The following ADNP2 variants were observed in gnomAD, a reference collection of about 807,000 sequenced individuals.
ADNP2 encodes the protein activity-dependent neuroprotector homeobox protein 2.
A neutral mutation model predicts 16.4 loss-of-function variants in ADNP2; 8 were observed. The ratio of observed to expected loss-of-function variants is 0.49; its 90% CI spans 0.29 to 0.88. ADNP2 has a LOEUF of 0.88. Among genes scored for constraint, ADNP2 ranks in the 40% least tolerant of loss-of-function variants. ADNP2 has a pLI of 0.09. For synonymous variants in ADNP2, 637 were observed against 545.8 expected (o/e 1.17, Z -2.33); for missense variants, 1,397 against 1,395.1 (o/e 1.00, Z -0.02).
chr18:80,135,402 C>T lies in ADNP2; in HGVS notation c.199-210C>T, dbSNP rs542597628. ...CAATGGCAGTGCTGAGTAGTTGCCACAGAGACTGTACTGTATGGCCCACAG... is the reference window on the plus strand; with the variant it reads ...CAATGGCAGTGCTGAGTAGTTGCCATAGAGACTGTACTGTATGGCCCACAG... On this transcript the variant is annotated intron_variant, in intron 3 of 3. Transcript: ENST00000262198. Among the ~76,000 whole-genome samples the T allele has an allele frequency of 6.6e-5, 10 of 152,324 alleles. No individual in the cohort carries two copies. In the South Asian group the frequency reaches 2.1e-3, roughly 32 times the overall value.
Position 80,129,088 on chromosome 18 carries a change from C to T in ADNP2, c.109-4015C>T, listed in dbSNP as rs915157014. The stretch of plus-strand genomic sequence containing the variant: ...CCATACTCAGATTTCTTCAGTTTTA[C>T]CCAGAACTTTTTTTTTGTTTTTTTT... On this transcript the variant is annotated intron_variant, in intron 2 of 3. Coordinates refer to ENST00000262198, the MANE Select transcript of ADNP2 (RefSeq NM_014913.4). Among the ~76,000 whole-genome samples, 3 of 149,372 alleles carry T rather than the reference C, an allele frequency of 2.0e-5. No individual in the cohort carries two copies. In the East Asian group the frequency reaches 5.9e-4, roughly 29 times the overall value.
intron 2 of ADNP2, among the ~76,000 whole-genome samples, chr18:80,124,436 T>G (rs764856804): frequency 6.6e-6 from 1 of 152,158 alleles, no homozygotes; most frequent in South Asian, 2.1e-4. Context: ...TTACTTATAT[T>G]TACTGGTTTA....
At position 80,136,604 on chromosome 18, in the gene ADNP2, C is replaced by T. The variant is rs376991909; in HGVS notation, c.1191C>T (p.Arg397=). Residue 397 remains arginine (R), a synonymous_variant, in exon 4 of 4, where the codon CGC becomes CGT. Coordinates refer to ENST00000262198, the MANE Select transcript of ADNP2 (RefSeq NM_014913.4). ...TSVLPINQTV[R]PGVLPLTQPV... ...TCCTCCCCATAAATCAGACTGTTCG[C>T]CCTGGGGTTTTACCCCTCACCCAGC... The T allele has an allele frequency of 1.9e-6, 3 of 1,614,096 alleles. No homozygotes were observed. The African/African-American group carries it at 4.0e-5, about 22-fold the overall frequency.
At chr18:80,119,902 C>T (rs2052413574) in intron 2 of ADNP2, among the ~76,000 whole-genome samples, 1 of 152,204 alleles carries the variant, frequency 6.6e-6, no homozygotes, top group Admixed American at 6.5e-5. Context: ...CAAGTGCATT[C>T]AACCACCTCC....
At chr18:80,112,080 C>G (rs189887782) in intron 1 of ADNP2, among the ~76,000 whole-genome samples, 1 of 152,082 alleles carries the variant, frequency 6.6e-6, no homozygotes, top group Admixed American at 6.6e-5. Flanking sequence ...TTGGCCGCCC[C>G]GGTTAGCCTG....
chr18:80,111,551 T>G (rs2052357078), intron 1 of ADNP2, among the ~76,000 whole-genome samples: 1 of 148,940 alleles, frequency 6.7e-6, no homozygotes, highest in Admixed American at 6.9e-5. Flanking sequence ...TTTATTACTG[T>G]ATTACCTGAA....
chr18:80,115,155 T>C (rs552529746), intron 1 of ADNP2, among the ~76,000 whole-genome samples: 67 of 152,264 alleles, frequency 4.4e-4, no homozygotes, highest in African/African-American at 1.6e-3. Context: ...GTTTGGAAAA[T>C]TCACTTTGCC....
At chr18:80,133,464 G>A (rs898480701) in intron 3 of ADNP2, among the ~76,000 whole-genome samples, 1 of 152,176 alleles carries the variant, frequency 6.6e-6, no homozygotes, top group African/African-American at 2.4e-5. Flanking sequence ...TAAGAAGGAC[G>A]TTTGATTTAA....
At chr18:80,135,465 G>C (rs2052525568) in intron 3 of ADNP2, 147 bp from the exon 4 acceptor site, 1 of 797,214 alleles carries the variant, frequency 1.3e-6, no homozygotes, top group African/African-American at 1.7e-5. Context: ...CACAGAAAAA[G>C]TTTGCCAACC....
In ADNP2 at chr18:80,137,812, C is replaced by A; in HGVS notation, c.2399C>A (p.Pro800His). The A allele has an allele frequency of 1.2e-6, 2 of 1,614,140 alleles. No homozygotes were observed. Among genetic ancestry groups the A allele is most frequent in the South Asian group, 1.1e-5 (1 of 91,078 alleles). ...AGGCACCTGGGGAAGAAGAAGTTGC[C>A]TATGGATTATAGCAACAGAGGTTTT... ...RNRHLGKKKLPMDYSNRGFQL... is the reference protein window; with the variant it reads ...RNRHLGKKKLHMDYSNRGFQL... Residue 800 changes from proline to histidine, a missense_variant, in exon 4 of 4, where the codon CCT (proline) becomes CAT (histidine). Coordinates refer to ENST00000262198, the MANE Select transcript of ADNP2 (RefSeq NM_014913.4). This position sits in a 1 kb window ranked among gnomAD's most constrained non-coding sequence, Gnocchi z 4.2.
chr18:80,132,525 T>G (rs1303805997), intron 2 of ADNP2, among the ~76,000 whole-genome samples: 2 of 152,176 alleles, frequency 1.3e-5, no homozygotes, highest in Non-Finnish European at 2.9e-5. Flanking sequence ...TCATTTCTCT[T>G]TTCCCCTGTA....
At chr18:80,129,768 C>G (rs76687820) in intron 2 of ADNP2, among the ~76,000 whole-genome samples, 2 of 152,290 alleles carry the variant, frequency 1.3e-5, no homozygotes, top group East Asian at 1.9e-4. Context: ...GCATTATGTT[C>G]TTTCTGTGGA....
rs564418835 is a variant in ADNP2, at chr18:80,136,889, A to G, written c.1476A>G (p.Thr492=). Residue 492 remains threonine, a synonymous_variant, in exon 4 of 4, where the codon ACA becomes ACG. Coordinates refer to ENST00000262198, the MANE Select transcript of ADNP2 (RefSeq NM_014913.4). ...CAGGAGTTCTCCCTGTGGGCCAGAC[A>G]GCTCCGTCACGGGTTCTTCCCCCAG... is the stretch of plus-strand genomic sequence containing the variant. ...VQSGVLPVGQ[T]APSRVLPPGQ... 6.2e-7 allele frequency: 1 copy of G among 1,614,086 alleles called. No individual in the cohort carries two copies. Among genetic ancestry groups the G allele is most frequent in the African/African-American group, 1.3e-5 (1 of 75,028 alleles).
intron 2 of ADNP2, among the ~76,000 whole-genome samples, chr18:80,118,183 G>T (rs1042171648): frequency 6.6e-6 from 1 of 152,170 alleles, no homozygotes; most frequent in African/African-American, 2.4e-5. Flanking sequence ...TCAGCACTTT[G>T]GGAGGCTGAG....
Position 80,136,084 on chromosome 18 carries a change from C to T in ADNP2, c.671C>T (p.Ala224Val). ...KYYCKKCNAN[A>V]SSQDALMYHI... ...TACTGTAAAAAGTGCAACGCCAATG[C>T]CAGCAGCCAGGATGCGTTAATGTAT... Residue 224 changes from alanine (A) to valine (V), a missense_variant, in exon 4 of 4, where the codon GCC becomes GTC. Transcript: ENST00000262198. The T allele has an allele frequency of 6.2e-7, 1 of 1,614,160 alleles. No homozygotes were observed. Among genetic ancestry groups the T allele is most frequent in the Non-Finnish European group, 8.5e-7 (1 of 1,179,996 alleles).
intron 2 of ADNP2, among the ~76,000 whole-genome samples, chr18:80,129,095 CTTTTTTTTTGTT>C (rs747578790): frequency 9.1e-5 from 12 of 132,202 alleles, no homozygotes; most frequent in South Asian, 2.3e-4. Flanking sequence ...TTACCCAGAA[CTTTTTTTTTGTT>C]TTTTTTTTTT....
chr18:80,138,878 T>G lies in ADNP2; in HGVS notation c.*69T>G. ...ATTTTTTTCAGTTGAAATTTCACAG[T>G]GTTGTCCTCACTGTGTTGGTGAATC... On this transcript the variant is annotated 3_prime_UTR_variant, in exon 4 of 4. Coordinates refer to ENST00000262198, the MANE Select transcript of ADNP2 (RefSeq NM_014913.4). The G allele has an allele frequency of 7.5e-7, 1 of 1,341,562 alleles. No homozygotes were observed. Among genetic ancestry groups the G allele is most frequent in the Non-Finnish European group, 9.9e-7 (1 of 1,014,696 alleles). The allele number at this position is 1,341,562 out of a possible 1,614,324, so 83.1% of individuals were successfully genotyped here. A position where few individuals can be genotyped will look rare whatever the true frequency, so the allele number is the denominator to read the frequency against.
rs55721371 is a variant in ADNP2, at chr18:80,121,647, A to G, written c.108+3997A>G. ...GAAAATTTTCTCCTATGTTTTTCCTAAGAGTTTTATGGTTGTAGTTCTCAT... is the reference window on the plus strand; with the variant it reads ...GAAAATTTTCTCCTATGTTTTTCCTGAGAGTTTTATGGTTGTAGTTCTCAT... On this transcript the variant is annotated intron_variant, in intron 2 of 3. Transcript: ENST00000262198. Among the ~76,000 whole-genome samples, 794 of 152,242 alleles carry G rather than the reference A, an allele frequency of 5.2e-3. 5 individuals are homozygous for G. Among genetic ancestry groups the G allele is most frequent in the Middle Eastern group, 0.01 (3 of 294 alleles).
At position 80,109,278 on chromosome 18, in the gene ADNP2, C is replaced by G. The variant is rs1032753683; in HGVS notation, c.-208C>G. 1 of 151,966 alleles carries G rather than the reference C, an allele frequency of 6.6e-6. No homozygotes were observed. The allele number at this position is 151,966 out of a possible 1,614,324, so 9.4% of individuals were successfully genotyped here. A position where few individuals can be genotyped will look rare whatever the true frequency, so the allele number is the denominator to read the frequency against. ...CCTGAGGCCAATCGAGCGCCATTTT[C>G]TCTTTCTGGCTGCGCGGGAGGAGGG... On this transcript the variant is annotated 5_prime_UTR_variant, in exon 1 of 4. Transcript: ENST00000262198.
Sources: gnomAD v4.1 joint callset for allele counts (sites outside exome capture counted in the v4.1 genomes callset) on GRCh38, gnomAD v4.1.1 for gene constraint, Gnocchi (gnomAD v3.1) non-coding constraint, MANE v1.5 for transcripts, NCBI Gene and HGNC (gene_info 2026-07-23, HGNC 2026-07-21) for gene names.